The following TNR variants were observed in gnomAD, a reference collection of about 807,000 sequenced individuals.
The protein encoded by TNR is tenascin R.
A neutral mutation model predicts 150.4 loss-of-function variants in TNR; 45 were observed. The observed-to-expected ratio is 0.30, with a 90% CI of 0.24 to 0.38. The LOEUF is 0.38. TNR is among the 10% of genes least tolerant of loss of function. TNR has a pLI of 1.00. For missense variants in TNR, 1,544 were observed against 1,759.1 expected, an observed-to-expected ratio of 0.88 and a Z score of 2.19; for synonymous variants, 687 against 678.4, an observed-to-expected ratio of 1.01 and a Z score of -0.20.
intron 2 of TNR, among the ~76,000 whole-genome samples, chr1:175,520,775 T>C (rs1338761283): frequency 6.6e-6 from 1 of 152,126 alleles, no homozygotes; most frequent in Non-Finnish European, 1.5e-5. Context: ...ACCACTTGCA[T>C]CCACCACCCT....
At chr1:175,338,386 G>C (rs991385129) in intron 18 of TNR, among the ~76,000 whole-genome samples, 2 of 152,192 alleles carry the variant, frequency 1.3e-5, no homozygotes, top group African/African-American at 4.8e-5. Flanking sequence ...GCTGAAAGAG[G>C]AGCTTAAATC....
chr1:175,529,068 T>G (rs553992729), intron 1 of TNR, among the ~76,000 whole-genome samples: 24 of 152,346 alleles, frequency 1.6e-4, no homozygotes, highest in Admixed American at 6.5e-4. Context: ...ATTTGTCAGC[T>G]TCTGTAACCA....
At chr1:175,368,408 A>G (rs777571327) in intron 9 of TNR, among the ~76,000 whole-genome samples, 3 of 152,128 alleles carry the variant, frequency 2.0e-5, no homozygotes, top group Non-Finnish European at 4.4e-5. Context: ...TGCTCCTATC[A>G]TTGCATCTAC....
chr1:175,603,770 G>A (rs1345718633), intron 1 of TNR, among the ~76,000 whole-genome samples: 1 of 152,152 alleles, frequency 6.6e-6, no homozygotes, highest in Non-Finnish European at 1.5e-5. Context: ...GGGAGGCCTG[G>A]AGGGGGCAGG....
intron 1 of TNR, among the ~76,000 whole-genome samples, chr1:175,722,099 T>A (rs139031339): frequency 1.5e-4 from 23 of 152,082 alleles, no homozygotes; most frequent in South Asian, 4.2e-4. Flanking sequence ...TGGGCTTTCC[T>A]CCCTCCATCA....
At chr1:175,522,971 C>T (rs768905897) in intron 2 of TNR, among the ~76,000 whole-genome samples, 2 of 152,230 alleles carry the variant, frequency 1.3e-5, no homozygotes, top group Non-Finnish European at 2.9e-5. Flanking sequence ...AAAGCAATTT[C>T]AGTAAGTACT....
rs777115762 is a variant in TNR at position 175,362,673 on chromosome 1, A to T, written c.2844T>A (p.Leu948=). The T allele has an allele frequency of 7.4e-6, 12 of 1,613,932 alleles. No individual in the cohort carries two copies. In the African/African-American group the frequency reaches 1.6e-4, roughly 22 times the overall value. ...GREESERICT[L]VHTAMDNPVD... ...GGGAGACATTCCCACCTGTGTGCAC[A>T]AGAGTACAGATGCGCTCGCTTTCCT... The change falls in exon 14 of 23, where the codon CTT becomes CTA. Residue 948 remains leucine (L), a synonymous_variant. Coordinates refer to ENST00000367674, the MANE Select transcript of TNR (RefSeq NM_003285.3).
intron 1 of TNR, among the ~76,000 whole-genome samples, chr1:175,542,510 A>T (rs1316443144): frequency 2.0e-5 from 3 of 152,194 alleles, no homozygotes; most frequent in Admixed American, 2.0e-4. Context: ...GTTCTCCAAC[A>T]CTGCTTATCC....
chr1:175,701,734 A>G (rs1483562214), intron 1 of TNR, among the ~76,000 whole-genome samples: 1 of 152,222 alleles, frequency 6.6e-6, no homozygotes, highest in Non-Finnish European at 1.5e-5. Context: ...GGGTGAGAGC[A>G]GGGTTTTCAG....
At chr1:175,400,452 A>C (rs1264239989) in intron 4 of TNR, among the ~76,000 whole-genome samples, 6 of 152,164 alleles carry the variant, frequency 3.9e-5, no homozygotes, top group Admixed American at 2.6e-4. Flanking sequence ...ATATTCATGA[A>C]TGTTTTGTTC....
At chr1:175,330,622 C>T (rs1435277395) in intron 20 of TNR, 7 of 159,816 alleles carry the variant, frequency 4.4e-5, no homozygotes, top group Middle Eastern at 2.9e-3. Flanking sequence ...CATGAGTGAT[C>T]GAAAGCAAGA....
intron 1 of TNR, among the ~76,000 whole-genome samples, chr1:175,585,673 T>C (rs1450379570): frequency 1.3e-5 from 2 of 152,234 alleles, no homozygotes; most frequent in African/African-American, 4.8e-5. Flanking sequence ...AGATAGGAAC[T>C]GCTTGAAGAA....
At chr1:175,560,347 C>T (rs1661375078) in intron 1 of TNR, among the ~76,000 whole-genome samples, 1 of 152,204 alleles carries the variant, frequency 6.6e-6, no homozygotes, top group Admixed American at 6.5e-5. Context: ...AGATGAAGCC[C>T]TGTGATTTAT....
At chr1:175,478,742 A>C (rs1657655560) in intron 2 of TNR, among the ~76,000 whole-genome samples, 1 of 152,190 alleles carries the variant, frequency 6.6e-6, no homozygotes. Flanking sequence ...GACCTTGTTT[A>C]TATAAAAAGA....
intron 3 of TNR, among the ~76,000 whole-genome samples, chr1:175,404,588 T>C (rs1286751497): frequency 6.6e-6 from 1 of 152,242 alleles, no homozygotes; most frequent in African/African-American, 2.4e-5. Context: ...TCTAGTAAGT[T>C]ACATCCTTGT....
intron 2 of TNR, among the ~76,000 whole-genome samples, chr1:175,416,284 GAC>G (rs1448129196): frequency 1.3e-5 from 2 of 152,138 alleles, no homozygotes; most frequent in African/African-American, 4.8e-5. Flanking sequence ...ATTTGCCCAA[GAC>G]ACACAGTAAG....
At chr1:175,672,379 C>A (rs1665730129) in intron 1 of TNR, among the ~76,000 whole-genome samples, 1 of 152,190 alleles carries the variant, frequency 6.6e-6, no homozygotes, top group Non-Finnish European at 1.5e-5. Context: ...TGAGCTGGGA[C>A]AACTCAGGGA....
At chr1:175,527,492 GCTGTATAACAAA>G (rs1659890558) in intron 2 of TNR, among the ~76,000 whole-genome samples, 1 of 152,150 alleles carries the variant, frequency 6.6e-6, no homozygotes, top group Non-Finnish European at 1.5e-5. Context: ...ACAAACTTAA[GCTGTATAACAAA>G]CTGTATAACA....
At chr1:175,427,206 C>G (rs1234112633) in intron 2 of TNR, among the ~76,000 whole-genome samples, 2 of 151,438 alleles carry the variant, frequency 1.3e-5, no homozygotes, top group East Asian at 3.9e-4. Context: ...CAACCCACAG[C>G]TCAAAAATCA....
Sources: allele counts gnomAD v4.1 joint callset (sites outside exome capture counted in the v4.1 genomes callset), GRCh38; gene constraint gnomAD v4.1.1; transcripts MANE v1.5; gene names NCBI Gene and HGNC (gene_info 2026-07-23, HGNC 2026-07-21).